Variants in PRR16 observed in about 807,000 individuals in gnomAD.
PRR16 encodes the protein proline rich 16.
PRR16 carries 6 observed loss-of-function variants against 18.2 expected under a neutral mutation model. The ratio of observed to expected loss-of-function variants is 0.33; its 90% CI spans 0.18 to 0.65. The LOEUF is 0.65. PRR16 is among the 30% of genes least tolerant of loss of function. The pLI is 0.74. For missense variants in PRR16, 412 were observed against 376.6 expected (o/e 1.09, Z -0.78); for synonymous variants, 151 against 147.8 (o/e 1.02, Z -0.16).
At chr5:120,569,488 T>C (rs1752838228) in intron 1 of PRR16, among the ~76,000 whole-genome samples, 1 of 152,172 alleles carries the variant, frequency 6.6e-6, no homozygotes, top group Admixed American at 6.5e-5. Flanking sequence ...AGATGCAGTG[T>C]GTTTATTTAA....
chr5:120,585,237 GCACATACAATTA>G (rs1753400796), intron 1 of PRR16, among the ~76,000 whole-genome samples: 3 of 152,280 alleles, frequency 2.0e-5, no homozygotes, highest in African/African-American at 7.2e-5. Context: ...TGGGCTAACA[GCACATACAATTA>G]CACAATAATG....
At chr5:120,633,401 A>G (rs1170265348) in intron 1 of PRR16, among the ~76,000 whole-genome samples, 1 of 152,164 alleles carries the variant, frequency 6.6e-6, no homozygotes, top group African/African-American at 2.4e-5. Flanking sequence ...AATGGCCTAA[A>G]CGCACCACTT....
chr5:120,765,239 C>T, the PRR16 span, among the ~76,000 whole-genome samples: 1 of 152,110 alleles, frequency 6.6e-6, no homozygotes, highest in African/African-American at 2.4e-5. Flanking sequence ...TTACATATCG[C>T]ATGTGCCTCT....
the PRR16 span, among the ~76,000 whole-genome samples, chr5:120,734,762 A>G: frequency 1.3e-5 from 2 of 152,198 alleles, no homozygotes; most frequent in Non-Finnish European, 2.9e-5. Flanking sequence ...TGAAATATTT[A>G]TCTTCCCAAG....
At chr5:120,538,754 C>A (rs1415802021) in intron 1 of PRR16, among the ~76,000 whole-genome samples, 1 of 152,148 alleles carries the variant, frequency 6.6e-6, no homozygotes, top group Non-Finnish European at 1.5e-5. Flanking sequence ...CTAAATGGTT[C>A]CAAATAATCT....
chr5:120,652,478 A>C (rs184732755), intron 1 of PRR16, among the ~76,000 whole-genome samples: 3 of 152,022 alleles, frequency 2.0e-5, no homozygotes, highest in Admixed American at 6.6e-5. Flanking sequence ...GACCAGCTTA[A>C]TATCAATGTA....
the PRR16 span, among the ~76,000 whole-genome samples, chr5:120,733,366 T>C: frequency 1.3e-4 from 20 of 152,216 alleles, no homozygotes; most frequent in African/African-American, 4.8e-4. Context: ...CCCAGGCTGG[T>C]CTTGAACTCC....
chr5:120,516,513 A>G lies in PRR16; in HGVS notation c.159+51868A>G, dbSNP rs1228568599. Among the ~76,000 whole-genome samples, 5 of 150,434 alleles carry G rather than the reference A, an allele frequency of 3.3e-5. No individual in the cohort carries two copies. In the South Asian group the frequency reaches 6.3e-4, roughly 19 times the overall value. On this transcript the variant is annotated intron_variant, in intron 1 of 1. Transcript: ENST00000407149. Reference sequence around the variant, plus strand: ...CACACACACACACACACACACACACACGCATATACATTAACAATTAGAAGG... The same window carrying G: ...CACACACACACACACACACACACACGCGCATATACATTAACAATTAGAAGG...
chr5:120,604,780 C>T (rs1754100222), intron 1 of PRR16, among the ~76,000 whole-genome samples: 1 of 152,098 alleles, frequency 6.6e-6, no homozygotes, highest in Non-Finnish European at 1.5e-5. Flanking sequence ...TTTATTTCCC[C>T]TTCACTTTTG....
intron 1 of PRR16, among the ~76,000 whole-genome samples, chr5:120,634,754 A>G (rs533894827): frequency 2.6e-5 from 4 of 152,288 alleles, no homozygotes; most frequent in Middle Eastern, 3.4e-3. Flanking sequence ...AAAAGAAATA[A>G]CAAAGATCAG....
intron 1 of PRR16, among the ~76,000 whole-genome samples, chr5:120,517,694 C>G (rs75667461): frequency 0.011 from 1,684 of 152,104 alleles, 36 homozygotes; most frequent in African/African-American, 0.039. Context: ...CTGGTTAATA[C>G]TTTGTAGATA....
At chr5:120,545,816 C>T (rs1462168249) in intron 1 of PRR16, among the ~76,000 whole-genome samples, 1 of 151,864 alleles carries the variant, frequency 6.6e-6, no homozygotes, top group African/African-American at 2.4e-5. Context: ...ACATTTGATT[C>T]CTAATTCCCA....
the PRR16 span, among the ~76,000 whole-genome samples, chr5:120,761,254 G>T: frequency 2.6e-5 from 4 of 152,000 alleles, no homozygotes. Flanking sequence ...GAGGAAACTG[G>T]ATTGTTTAAC....
At chr5:120,693,727 C>T in the PRR16 span, among the ~76,000 whole-genome samples, 1 of 152,126 alleles carries the variant, frequency 6.6e-6, no homozygotes, top group Non-Finnish European at 1.5e-5. Flanking sequence ...AAAAGCTCTT[C>T]TGCTAACACA....
chr5:120,576,946 A>G (rs889440449), intron 1 of PRR16, among the ~76,000 whole-genome samples: 1 of 152,040 alleles, frequency 6.6e-6, no homozygotes, highest in Non-Finnish European at 1.5e-5. Context: ...AAATATATGT[A>G]TATACACATA....
chr5:120,779,760 G>T, the PRR16 span, among the ~76,000 whole-genome samples: 3 of 152,246 alleles, frequency 2.0e-5, no homozygotes, highest in East Asian at 1.9e-4. Flanking sequence ...AAAAGCAAGA[G>T]AATTACTTTG....
intron 1 of PRR16, among the ~76,000 whole-genome samples, chr5:120,614,551 C>T (rs1754444423): frequency 6.6e-6 from 1 of 152,160 alleles, no homozygotes; most frequent in African/African-American, 2.4e-5. Context: ...AAACATTCAC[C>T]AGATAATTTT....
At chr5:120,678,488 C>G (rs1050035353) in intron 1 of PRR16, among the ~76,000 whole-genome samples, 3 of 152,160 alleles carry the variant, frequency 2.0e-5, no homozygotes, top group Non-Finnish European at 2.9e-5. Flanking sequence ...TCACTGTGCT[C>G]TCTGCCAGGG....
chr5:120,505,700 G>T (rs1342018666), intron 1 of PRR16, among the ~76,000 whole-genome samples: 1 of 151,400 alleles, frequency 6.6e-6, no homozygotes, highest in East Asian at 1.9e-4. Context: ...AAACAGTTCA[G>T]AACCTTCTGT....
Sources: gnomAD v4.1 joint callset for allele counts (sites outside exome capture counted in the v4.1 genomes callset) on GRCh38, gnomAD v4.1.1 for gene constraint, MANE v1.5 for transcripts, NCBI Gene and HGNC (gene_info 2026-07-23, HGNC 2026-07-21) for gene names.